KLHL10: variants seen among roughly 807,000 people sequenced by gnomAD.
The protein encoded by KLHL10 is kelch like family member 10.
Under a neutral mutation model 46.6 loss-of-function variants are expected in KLHL10, and 11 were observed. That is an observed-to-expected ratio of 0.24 (90% confidence interval 0.15 to 0.39). The LOEUF (loss-of-function observed/expected upper bound fraction) is 0.39. Ranked by LOEUF, KLHL10 falls within the 10% of genes least tolerant of loss-of-function variation. The pLI is 1.00. For missense variants in KLHL10, 475 were observed against 789.8 expected (o/e 0.60, Z 4.78); for synonymous variants, 254 against 279.1 (o/e 0.91, Z 0.90).
At position 41,845,075 on chromosome 17, in the gene KLHL10, T is replaced by C. The variant is rs199730931; in HGVS notation, c.685-51T>C. ...AAAAATGGGAGTTAAGGATGTGGGA[T>C]TTCCTGGCACTCTCACGTCACCTGA... On this transcript the variant is annotated intron_variant, in intron 2 of 4. Coordinates refer to ENST00000293303, the MANE Select transcript of KLHL10 (RefSeq NM_152467.5). 2.2e-4 allele frequency: 355 copies of C among 1,613,074 alleles called. 1 individual carries two copies. The highest frequency in any genetic ancestry group is 2.8e-4 in the Non-Finnish European group (330 of 1,179,246).
intron 2 of KLHL10, among the ~76,000 whole-genome samples, chr17:41,843,436 C>T (rs1437978655): frequency 6.6e-6 from 1 of 150,394 alleles, no homozygotes; most frequent in Non-Finnish European, 1.5e-5. Flanking sequence ...ACTCAGGAGG[C>T]GGAGGCTGCA....
chr17:41,845,110 T>C lies in KLHL10; in HGVS notation c.685-16T>C. ...CTCTCACGTCACCTGAATGACTTTCTGCGTTTGCTTCTTAGGTTCGCCTGG... is the reference window on the plus strand; with the variant it reads ...CTCTCACGTCACCTGAATGACTTTCCGCGTTTGCTTCTTAGGTTCGCCTGG... On this transcript the variant is annotated splice_polypyrimidine_tract_variant and intron_variant, in intron 2 of 4. Transcript: ENST00000293303. The C allele has an allele frequency of 6.2e-7, 1 of 1,614,236 alleles. No homozygotes were observed. Among genetic ancestry groups the C allele is most frequent in the Non-Finnish European group, 8.5e-7 (1 of 1,180,052 alleles).
At chr17:41,841,781 G>A (rs368986930) in intron 1 of KLHL10, 42 bp from the exon 2 acceptor site, 166 of 1,613,712 alleles carry the variant, frequency 1.0e-4, no homozygotes, top group Non-Finnish European at 1.3e-4. Context: ...CCTAACAGGA[G>A]AGAAATGTTT....
intron 1 of KLHL10, 44 bp downstream of exon 1, chr17:41,838,170 C>T (rs782620836): frequency 6.9e-7 from 1 of 1,450,136 alleles, no homozygotes; most frequent in South Asian, 1.1e-5. Context: ...TAATTGGGCT[C>T]ATTTTGAGAC....
intron 3 of KLHL10, among the ~76,000 whole-genome samples, chr17:41,846,853 G>A (rs1555621483): frequency 4.6e-5 from 7 of 152,176 alleles, no homozygotes; most frequent in Non-Finnish European, 8.8e-5. Flanking sequence ...AGTGTATCAT[G>A]CCTGTAATCC....
At chr17:41,837,518 C>G, upstream of KLHL10, 1 of 1,011,880 alleles carries the variant, frequency 9.9e-7, no homozygotes, top group Non-Finnish European at 1.2e-6. Flanking sequence ...TCCTTGAGTT[C>G]GGTGTCTAGG....
chr17:41,837,193 TCTCA>T (rs1196290107), upstream of KLHL10, among the ~76,000 whole-genome samples: 6 of 151,804 alleles, frequency 4.0e-5, no homozygotes, highest in African/African-American at 1.5e-4. Context: ...TGAGATGGAG[TCTCA>T]CTCTGTCGCC....
chr17:41,841,687 A>T, intron 1 of KLHL10, 136 bp from the exon 2 acceptor site: 1 of 973,932 alleles, frequency 1.0e-6, no homozygotes, highest in Admixed American at 1.9e-5. Flanking sequence ...CCAAAGTCAG[A>T]GTTCTTGGAA....
chr17:41,836,777 G>A (rs575344505), upstream of KLHL10, among the ~76,000 whole-genome samples: 2 of 152,304 alleles, frequency 1.3e-5, no homozygotes, highest in Admixed American at 1.3e-4. Context: ...AGTAGGCCGA[G>A]ATCATACCAC....
At chr17:41,835,689 T>C, upstream of KLHL10, 2 of 737,244 alleles carry the variant, frequency 2.7e-6, no homozygotes, top group East Asian at 5.4e-5. Flanking sequence ...AAATCTGAAA[T>C]TTGGGTTTTA....
upstream of KLHL10, chr17:41,836,497 G>A (rs990279466): frequency 1.0e-6 from 1 of 975,652 alleles, no homozygotes; most frequent in African/African-American, 1.8e-5. Context: ...CTTGCCAAAC[G>A]TGGTCATTTC....
upstream of KLHL10, chr17:41,837,784 C>A: frequency 6.8e-7 from 1 of 1,481,088 alleles, no homozygotes; most frequent in Non-Finnish European, 8.9e-7. Context: ...GATCTCACTG[C>A]AGGGCCAGGA....
chr17:41,843,928 A>G (rs1323881189), intron 2 of KLHL10, among the ~76,000 whole-genome samples: 1 of 150,278 alleles, frequency 6.7e-6, no homozygotes, highest in Non-Finnish European at 1.5e-5. Flanking sequence ...CGCCCAGCTA[A>G]CTTTTTGTAT....
Position 41,837,869 on chromosome 17 carries a change from G to T in KLHL10, c.-64G>T. 1 of 1,607,540 alleles carries T rather than the reference G, an allele frequency of 6.2e-7. No homozygotes were observed. On this transcript the variant is annotated 5_prime_UTR_variant, in exon 1 of 5. Transcript: ENST00000293303. ...GAAAAGGAGCGACAGCTGGCTAAAG[G>T]GGCCCCCCACAACCCTCCCCGACAC...
chr17:41,842,018 G>A lies in KLHL10; in HGVS notation c.390G>A (p.Glu130=). Residue 130 remains glutamate (E), a synonymous_variant, in exon 2 of 5, where the codon GAG becomes GAA. Transcript: ENST00000293303. ...NIMGIVRGCC[E]FLKSELCLDN... ...TGGGTATCGTCAGGGGTTGCTGCGA[G>A]TTCCTCAAGTCAGAGCTGTGCTTGG... 2 of 1,614,172 alleles carry A rather than the reference G, an allele frequency of 1.2e-6. No individual in the cohort carries two copies. The highest frequency in any genetic ancestry group is 1.7e-6 in the Non-Finnish European group (2 of 1,180,044).
chr17:41,836,505 T>C (rs2048162442), upstream of KLHL10: 1 of 968,026 alleles, frequency 1.0e-6, no homozygotes, highest in Non-Finnish European at 1.2e-6. Context: ...ACGTGGTCAT[T>C]TCCAGGCTGA....
intron 4 of KLHL10, among the ~76,000 whole-genome samples, chr17:41,847,611 T>C (rs1445756761): frequency 6.6e-6 from 1 of 152,030 alleles, no homozygotes; most frequent in South Asian, 2.1e-4. Context: ...GTTCATGCCA[T>C]TCTCCTGCCT....
chr17:41,841,764 G>T, intron 1 of KLHL10, 59 bp from the exon 2 acceptor site: 1 of 1,606,736 alleles, frequency 6.2e-7, no homozygotes, highest in South Asian at 1.1e-5. Context: ...CATTTCCAAT[G>T]TACTCACCTA....
Position 41,848,160 on chromosome 17 carries a change from G to A in KLHL10, c.1680G>A (p.Met560Ile). The change falls in exon 5 of 5, where the codon ATG (methionine) becomes ATA (isoleucine). Residue 560 changes from methionine (M) to isoleucine (I), a missense_variant. Coordinates refer to ENST00000293303, the MANE Select transcript of KLHL10 (RefSeq NM_152467.5). Reference protein sequence around the residue: ...KTDEWYDAHDMSIYRSALSCC... With the variant: ...KTDEWYDAHDISIYRSALSCC... ...ATGAGTGGTATGATGCTCATGACATGAGTATATACCGCAGTGCTCTGAGCT... is the reference window on the plus strand; with the variant it reads ...ATGAGTGGTATGATGCTCATGACATAAGTATATACCGCAGTGCTCTGAGCT... 3.1e-6 allele frequency: 5 copies of A among 1,614,148 alleles called. No homozygotes were observed. The highest frequency in any genetic ancestry group is 2.2e-5 in the East Asian group (1 of 44,878).
Sources: gnomAD v4.1 joint callset for allele counts (sites outside exome capture counted in the v4.1 genomes callset) on GRCh38, gnomAD v4.1.1 for gene constraint, MANE v1.5 for transcripts, NCBI Gene and HGNC (gene_info 2026-07-23, HGNC 2026-07-21) for gene names.